Variants in TRPC4 observed in about 807,000 individuals in gnomAD.
The protein encoded by TRPC4 is transient receptor potential cation channel subfamily C member 4, also known as short transient receptor potential channel 4.
In TRPC4, 49 loss-of-function variants were observed where a neutral mutation model predicts 99.4. The ratio of observed to expected loss-of-function variants is 0.49; its 90% confidence interval spans 0.39 to 0.63. The LOEUF (loss-of-function observed/expected upper bound fraction) is 0.63, where lower values mean the gene tolerates loss of function less well. Among genes scored for constraint, TRPC4 ranks in the 20% least tolerant of loss-of-function variants. The probability of loss-of-function intolerance (pLI) is 0.00; values close to 1 mark genes in which losing one functional copy is unlikely to be tolerated. For missense variants in TRPC4, 898 were observed against 1,152.9 expected, an observed-to-expected ratio of 0.78 and a Z score of 3.20; for synonymous variants, 454 against 425.9, an observed-to-expected ratio of 1.07 and a Z score of -0.81.
intron 2 of TRPC4, among the ~76,000 whole-genome samples, chr13:37,758,128 T>C (rs540626976): frequency 1.5e-4 from 23 of 152,074 alleles, no homozygotes; most frequent in Non-Finnish European, 2.7e-4. Flanking sequence ...TGCAGTTCTC[T>C]GCTTTAGTTT....
intron 8 of TRPC4, among the ~76,000 whole-genome samples, chr13:37,644,705 C>G (rs1951817073): frequency 6.6e-6 from 1 of 151,708 alleles, no homozygotes; most frequent in Non-Finnish European, 1.5e-5. Flanking sequence ...TCCGTCTCTA[C>G]TAAAAATACA....
At chr13:37,651,607 TCATCTAAACATTTCAGAG>T in intron 7 of TRPC4, 148 bp from the exon 8 acceptor site, 4 of 696,598 alleles carry the variant, frequency 5.7e-6, no homozygotes, top group African/African-American at 1.8e-5. Flanking sequence ...CCAGAGACAG[TCATCTAAACATTTCAGAG>T]GGTGGCTTAA....
intron 2 of TRPC4, among the ~76,000 whole-genome samples, chr13:37,777,025 A>G (rs1459619307): frequency 6.6e-6 from 1 of 152,008 alleles, no homozygotes; most frequent in African/African-American, 2.4e-5. Flanking sequence ...ATCACATAAC[A>G]GGCAATGTTT....
At chr13:37,649,753 A>AAAAAC (rs1566067348) in intron 8 of TRPC4, among the ~76,000 whole-genome samples, 1 of 135,920 alleles carries the variant, frequency 7.4e-6, no homozygotes, top group East Asian at 2.1e-4. Context: ...AAAAAAAAAA[A>AAAAAC]AAAAAAACAA....
At chr13:37,673,102 C>G (rs866232732) in intron 5 of TRPC4, among the ~76,000 whole-genome samples, 3 of 120,416 alleles carry the variant, frequency 2.5e-5, no homozygotes, top group African/African-American at 6.2e-5. Context: ...CCCCTCCCCC[C>G]ACCCCGCGAC....
chr13:37,708,111 T>A (rs1478672858), intron 3 of TRPC4, among the ~76,000 whole-genome samples: 2 of 152,136 alleles, frequency 1.3e-5, no homozygotes, highest in Non-Finnish European at 2.9e-5. Flanking sequence ...CCTCCATACT[T>A]GATAGTAAAT....
intron 8 of TRPC4, among the ~76,000 whole-genome samples, chr13:37,640,490 T>C (rs2138538514): frequency 6.6e-6 from 1 of 152,318 alleles, no homozygotes; most frequent in East Asian, 1.9e-4. Flanking sequence ...AATGCTTAGG[T>C]TCCTAAAGGT....
chr13:37,672,701 C>T (rs1206178057), intron 5 of TRPC4, among the ~76,000 whole-genome samples: 3 of 152,186 alleles, frequency 2.0e-5, no homozygotes, highest in Admixed American at 6.5e-5. Flanking sequence ...GAGAGCTAGG[C>T]GCTTAATCAC....
intron 2 of TRPC4, among the ~76,000 whole-genome samples, chr13:37,754,201 A>G (rs1956035072): frequency 1.3e-5 from 2 of 152,096 alleles, no homozygotes; most frequent in South Asian, 2.1e-4. Context: ...AGTCTATTTT[A>G]TATCTCAATC....
intron 1 of TRPC4, among the ~76,000 whole-genome samples, chr13:37,804,979 A>G (rs1957494947): frequency 6.6e-6 from 1 of 152,090 alleles, no homozygotes; most frequent in Non-Finnish European, 1.5e-5. Flanking sequence ...CAAAATTGCC[A>G]TGATATTCTC....
intron 3 of TRPC4, among the ~76,000 whole-genome samples, chr13:37,714,831 T>C (rs1441459879): frequency 6.6e-6 from 1 of 152,198 alleles, no homozygotes; most frequent in Non-Finnish European, 1.5e-5. Flanking sequence ...ATAATGCTTT[T>C]CAAAGACTGC....
intron 7 of TRPC4, among the ~76,000 whole-genome samples, chr13:37,652,979 T>C (rs1952100285): frequency 6.6e-6 from 1 of 152,046 alleles, no homozygotes; most frequent in Admixed American, 6.6e-5. Flanking sequence ...CTACTCACCT[T>C]CTAACTCCTA....
chr13:37,782,979 T>C lies in TRPC4; in HGVS notation c.355A>G (p.Lys119Glu). The C allele has an allele frequency of 1.3e-6, 2 of 1,498,922 alleles. No individual in the cohort carries two copies. The highest frequency in any genetic ancestry group is 1.8e-6 in the Non-Finnish European group (2 of 1,118,160). The allele number at this position is 1,498,922 out of a possible 1,614,324, so 92.9% of individuals were successfully genotyped here. The change falls in exon 2 of 11, where the codon AAA (lysine) becomes GAA (glutamate). Residue 119 changes from lysine to glutamate, a missense_variant. Around this residue, in one of 3 missense-constraint regions of TRPC4, gnomAD observed 278 missense variants for 346.6 expected, o/e 0.80. Transcript: ENST00000379705. ...ACCTGTTTTTCTCCACTAGGTTTTTTGTGGTTCAATAACAGCTCAACAGCT... is the reference window on the plus strand; with the variant it reads ...ACCTGTTTTTCTCCACTAGGTTTTTCGTGGTTCAATAACAGCTCAACAGCT... ...VGAVELLLNH[K>E]KPSGEKQVPP...
At position 37,635,549 on chromosome 13, in the gene TRPC4, T is replaced by C. The variant is rs2138504440; in HGVS notation, c.*1354A>G. 6.6e-6 allele frequency among the ~76,000 whole-genome samples: 1 copy of C among 152,256 alleles called. No individual in the cohort carries two copies. The highest frequency in any genetic ancestry group is 2.4e-5 in the African/African-American group (1 of 41,582). ...GGGGCCAATGATAAATCACATGCAA[T>C]TTCTGAGGTTCGCAGAGTAATTTTT... is the stretch of plus-strand genomic sequence containing the variant. On this transcript the variant is annotated 3_prime_UTR_variant, in exon 11 of 11. Transcript: ENST00000379705.
intron 1 of TRPC4, among the ~76,000 whole-genome samples, chr13:37,812,539 A>G (rs1414797005): frequency 6.6e-6 from 1 of 152,064 alleles, no homozygotes; most frequent in Non-Finnish European, 1.5e-5. Flanking sequence ...GATATTGCCA[A>G]AAAGATTACT....
intron 3 of TRPC4, among the ~76,000 whole-genome samples, chr13:37,696,916 C>T (rs1165242579): frequency 5.0e-5 from 7 of 140,980 alleles, no homozygotes; most frequent in African/African-American, 1.3e-4. Context: ...GCTGAAACAT[C>T]TTTTTTTTTT....
chr13:37,749,191 TC>T (rs964072459), intron 2 of TRPC4, among the ~76,000 whole-genome samples: 3 of 152,126 alleles, frequency 2.0e-5, no homozygotes, highest in African/African-American at 7.2e-5. Context: ...ATTATAAGTT[TC>T]TTGAGGGCTC....
chr13:37,811,731 C>T (rs1281913395), intron 1 of TRPC4, among the ~76,000 whole-genome samples: 1 of 152,152 alleles, frequency 6.6e-6, no homozygotes, highest in Non-Finnish European at 1.5e-5. Flanking sequence ...CAGGGACAGT[C>T]TATTCCCACT....
intron 1 of TRPC4, among the ~76,000 whole-genome samples, chr13:37,830,931 T>A (rs1875650724): frequency 6.6e-6 from 1 of 151,380 alleles, no homozygotes; most frequent in South Asian, 2.1e-4. Context: ...TGTGAAAAGT[T>A]AAAGTATATA....
Sources: gnomAD v4.1 joint callset for allele counts (sites outside exome capture counted in the v4.1 genomes callset) on GRCh38, gnomAD v4.1.1 for gene constraint, gnomAD v4.1.1 regional missense constraint, MANE v1.5 for transcripts, NCBI Gene and HGNC (gene_info 2026-07-23, HGNC 2026-07-21) for gene names.